NLGN4Y: variants seen among roughly 807,000 people sequenced by gnomAD.
NLGN4Y encodes neuroligin 4 Y-linked.
Under a neutral mutation model 8.4 loss-of-function variants are expected in NLGN4Y, and 4 were observed. The observed-to-expected ratio is 0.48, with a 90% CI of 0.23 to 1.09. NLGN4Y has a LOEUF of 1.09. Ranked by LOEUF, NLGN4Y falls within the 50% of genes least tolerant of loss-of-function variation. The probability of loss-of-function intolerance (pLI) is 0.19; values close to 1 mark genes in which losing one functional copy is unlikely to be tolerated. For missense variants in NLGN4Y, 90 were observed against 192.3 expected, an observed-to-expected ratio of 0.47 and a Z score of 3.15; for synonymous variants, 35 against 75.6, an observed-to-expected ratio of 0.46 and a Z score of 2.78.
upstream of NLGN4Y, chrY:14,524,265 C>T (rs974226795): frequency 9.0e-5 from 7 of 77,741 alleles, no homozygotes; most frequent in Non-Finnish European, 2.0e-4. Flanking sequence ...GTTAAGCCTG[C>T]GGGTCTGCCA....
chrY:14,758,413 G>A (rs1433564776), intron 4 of NLGN4Y, among the ~76,000 whole-genome samples: 3 of 33,609 alleles, frequency 8.9e-5, no homozygotes, highest in Admixed American at 5.4e-4. Context: ...CTTGCCTTCA[G>A]GGGGAAACCT....
At chrY:14,614,486 G>C (rs2150504495) in intron 1 of NLGN4Y, among the ~76,000 whole-genome samples, 1 of 33,102 alleles carries the variant, frequency 3.0e-5, no homozygotes, top group African/African-American at 1.2e-4. Flanking sequence ...ATTGCTTTTG[G>C]TATTTTAGTC....
intron 1 of NLGN4Y, among the ~76,000 whole-genome samples, chrY:14,592,703 G>T (rs747508627): frequency 2.7e-4 from 9 of 33,223 alleles, no homozygotes; most frequent in African/African-American, 1.1e-3. Context: ...AGATCTCCTG[G>T]TTGAAACAAC....
In NLGN4Y at chrY:14,844,049, T is replaced by G; in HGVS notation, c.*2787T>G. 1 of 114,964 alleles carries G rather than the reference T, an allele frequency of 8.7e-6. No individual in the cohort carries two copies. Among genetic ancestry groups the G allele is most frequent in the Non-Finnish European group, 1.8e-5 (1 of 54,715 alleles). 28.7% of individuals were successfully genotyped at this position (114,964 alleles called of 400,897 possible). Reference sequence around the variant, plus strand: ...CTTTGAATGCCTTTTTCTTTGTAAATGCTACATGGTAGCTCTCACATAGGC... The same window carrying G: ...CTTTGAATGCCTTTTTCTTTGTAAAGGCTACATGGTAGCTCTCACATAGGC... On this transcript the variant is annotated 3_prime_UTR_variant, in exon 7 of 7. Transcript: ENST00000684976.
chrY:14,607,425 A>G (rs773905060), intron 1 of NLGN4Y, among the ~76,000 whole-genome samples: 2 of 32,504 alleles, frequency 6.2e-5, no homozygotes, highest in Admixed American at 5.6e-4. Context: ...CCACTTCTCC[A>G]TGTTCATGTG....
chrY:14,703,236 C>T, intron 2 of NLGN4Y, among the ~76,000 whole-genome samples: 1 of 33,239 alleles, frequency 3.0e-5, no homozygotes, highest in Non-Finnish European at 7.4e-5. Flanking sequence ...AGTCCTTGCC[C>T]ATGCCTATGT....
At chrY:14,709,464 G>A (rs1004952919) in intron 2 of NLGN4Y, among the ~76,000 whole-genome samples, 2 of 33,602 alleles carry the variant, frequency 6.0e-5, no homozygotes, top group Non-Finnish European at 1.5e-4. Context: ...TGTAAACCTA[G>A]CACTTTGGGA....
chrY:14,632,828 T>C (rs2080553743), intron 2 of NLGN4Y, among the ~76,000 whole-genome samples: 1 of 33,810 alleles, frequency 3.0e-5, no homozygotes, highest in Non-Finnish European at 7.3e-5. Flanking sequence ...TCTGATAGCA[T>C]GTTTCTCTCC....
At chrY:14,721,314 A>G (rs2080933972) in intron 3 of NLGN4Y, among the ~76,000 whole-genome samples, 1 of 33,704 alleles carries the variant, frequency 3.0e-5, no homozygotes, top group Non-Finnish European at 7.4e-5. Context: ...AAAAACAGGA[A>G]ATTAGGAACC....
intron 2 of NLGN4Y, among the ~76,000 whole-genome samples, chrY:14,696,713 G>A: frequency 3.1e-5 from 1 of 32,380 alleles, no homozygotes; most frequent in South Asian, 7.4e-4. Flanking sequence ...TTCAGTTCCC[G>A]GTGATCATTT....
chrY:14,698,489 C>T, intron 2 of NLGN4Y, among the ~76,000 whole-genome samples: 1 of 33,174 alleles, frequency 3.0e-5, no homozygotes, highest in Non-Finnish European at 7.5e-5. Context: ...TTTTTCTATT[C>T]ATAGAGGCCA....
intron 1 of NLGN4Y, among the ~76,000 whole-genome samples, chrY:14,594,828 G>A: frequency 3.1e-5 from 1 of 32,649 alleles, no homozygotes; most frequent in Admixed American, 2.8e-4. Context: ...AGTCCTTCCA[G>A]AACACAGGTC....
intron 2 of NLGN4Y, among the ~76,000 whole-genome samples, chrY:14,641,337 C>T: frequency 2.1e-4 from 7 of 32,953 alleles, no homozygotes; most frequent in African/African-American, 8.3e-4. Flanking sequence ...AGATATGCAA[C>T]GACAAAGACA....
chrY:14,528,270 A>T, intron 1 of NLGN4Y, among the ~76,000 whole-genome samples: 1 of 31,684 alleles, frequency 3.2e-5, no homozygotes, highest in African/African-American at 1.2e-4. Flanking sequence ...CAATATTTTT[A>T]AAAACTCTCT....
At chrY:14,604,386 T>G (rs2080440029) in intron 1 of NLGN4Y, among the ~76,000 whole-genome samples, 1 of 33,564 alleles carries the variant, frequency 3.0e-5, no homozygotes, top group South Asian at 6.7e-4. Context: ...ACCCAACTTC[T>G]GTGCTTTGCT....
At chrY:14,709,240 A>G (rs777511897) in intron 2 of NLGN4Y, among the ~76,000 whole-genome samples, 10 of 33,676 alleles carry the variant, frequency 3.0e-4, no homozygotes, top group Admixed American at 2.2e-3. Flanking sequence ...ACGTTCTGCC[A>G]TTCGATATTG....
At chrY:14,530,901 C>T (rs2080111077) in intron 1 of NLGN4Y, among the ~76,000 whole-genome samples, 1 of 34,409 alleles carries the variant, frequency 2.9e-5, no homozygotes, top group African/African-American at 1.1e-4. Flanking sequence ...AACTTGAGTC[C>T]CTCTCTTCCT....
At chrY:14,699,791 A>G in intron 2 of NLGN4Y, among the ~76,000 whole-genome samples, 1 of 32,614 alleles carries the variant, frequency 3.1e-5, no homozygotes, top group Non-Finnish European at 7.5e-5. Flanking sequence ...ATGAAAAAAA[A>G]GCTAATTATT....
chrY:14,726,626 G>A, intron 4 of NLGN4Y, among the ~76,000 whole-genome samples: 1 of 33,152 alleles, frequency 3.0e-5, no homozygotes, highest in Non-Finnish European at 7.4e-5. Context: ...TTTTGTTTAT[G>A]CTAACTTTTG....
Sources: gnomAD v4.1 joint callset for allele counts (sites outside exome capture counted in the v4.1 genomes callset) on GRCh38, gnomAD v4.1.1 for gene constraint, MANE v1.5 for transcripts, NCBI Gene and HGNC (gene_info 2026-07-23, HGNC 2026-07-21) for gene names.